TRPM3: variants seen among roughly 807,000 people sequenced by gnomAD.
The protein encoded by TRPM3 is transient receptor potential cation channel subfamily M member 3.
Under a neutral mutation model 181.2 loss-of-function variants are expected in TRPM3, and 77 were observed. That is an observed-to-expected ratio of 0.42 (90% CI 0.35 to 0.51). The LOEUF is 0.51. Among genes scored for constraint, TRPM3 ranks in the 20% least tolerant of loss-of-function variants. TRPM3 has a pLI of 0.01. For missense variants in TRPM3, 1,759 were observed against 2,196.7 expected (o/e 0.80, Z 3.98); for synonymous variants, 745 against 796.4 (o/e 0.94, Z 1.09).
chr9:71,282,913 C>T (rs773955347), intron 1 of TRPM3, among the ~76,000 whole-genome samples: 1 of 152,072 alleles, frequency 6.6e-6, no homozygotes, highest in Non-Finnish European at 1.5e-5. Context: ...CTCGGGGCAC[C>T]GCTGGACGAC....
intron 1 of TRPM3, among the ~76,000 whole-genome samples, chr9:70,910,948 T>C (rs771207859): frequency 2.0e-5 from 3 of 152,324 alleles, no homozygotes; most frequent in Non-Finnish European, 4.4e-5. Context: ...ATACCTTGAC[T>C]TCTATGACAG....
At chr9:71,086,547 G>A (rs1381191002) in intron 1 of TRPM3, among the ~76,000 whole-genome samples, 1 of 151,938 alleles carries the variant, frequency 6.6e-6, no homozygotes, top group Admixed American at 6.6e-5. Flanking sequence ...AGAGGTCAAA[G>A]TATCAAAGAC....
chr9:70,700,368 T>C (rs2072078127), intron 8 of TRPM3, among the ~76,000 whole-genome samples: 1 of 152,006 alleles, frequency 6.6e-6, no homozygotes. Flanking sequence ...CCTTTTTGAC[T>C]CAAAGGTTGA....
At chr9:71,032,043 TA>T (rs1251010986) in intron 1 of TRPM3, among the ~76,000 whole-genome samples, 20 of 2,270 alleles carry the variant, frequency 8.8e-3, no homozygotes, top group Middle Eastern at 0.5. Flanking sequence ...AATATATATA[TA>T]TATATTATAT....
At chr9:70,955,864 C>T (rs756634881) in intron 1 of TRPM3, among the ~76,000 whole-genome samples, 1 of 152,138 alleles carries the variant, frequency 6.6e-6, no homozygotes, top group African/African-American at 2.4e-5. Flanking sequence ...GTGGTAACCA[C>T]GAGCTCACTG....
chr9:70,604,120 A>G (rs1472216830), intron 19 of TRPM3, among the ~76,000 whole-genome samples: 1 of 152,228 alleles, frequency 6.6e-6, no homozygotes, highest in Non-Finnish European at 1.5e-5. Context: ...TACAGAAAGG[A>G]AAGGGTCCGT....
chr9:70,864,819 GA>G (rs1274114590), intron 1 of TRPM3, among the ~76,000 whole-genome samples: 1 of 152,036 alleles, frequency 6.6e-6, no homozygotes. Context: ...TATTTGCAGA[GA>G]AAATAAATTT....
chr9:71,158,686 T>G (rs1275394882), intron 1 of TRPM3, among the ~76,000 whole-genome samples: 1 of 152,130 alleles, frequency 6.6e-6, no homozygotes, highest in African/African-American at 2.4e-5. Flanking sequence ...TGTGTCAACT[T>G]GACTAAGCCA....
intron 8 of TRPM3, among the ~76,000 whole-genome samples, chr9:70,752,657 C>G (rs1044935327): frequency 6.6e-6 from 1 of 152,084 alleles, no homozygotes; most frequent in Non-Finnish European, 1.5e-5. Context: ...ATCTTTTTAT[C>G]TTTAGATATG....
At chr9:70,817,790 T>C (rs1290849557) in intron 6 of TRPM3, among the ~76,000 whole-genome samples, 1 of 152,080 alleles carries the variant, frequency 6.6e-6, no homozygotes, top group Non-Finnish European at 1.5e-5. Flanking sequence ...TTAGTATAAA[T>C]GCAAATAAAT....
intron 1 of TRPM3, among the ~76,000 whole-genome samples, chr9:71,163,912 T>C (rs1007946759): frequency 6.6e-6 from 1 of 152,170 alleles, no homozygotes; most frequent in African/African-American, 2.4e-5. Context: ...ACTATAAAGA[T>C]AGAAGTGTAG....
chr9:70,571,559 G>A (rs531775873), intron 22 of TRPM3, among the ~76,000 whole-genome samples: 69 of 152,174 alleles, frequency 4.5e-4, no homozygotes, highest in Non-Finnish European at 7.4e-4. Context: ...TGCACTTTTT[G>A]AGAGTAGACC....
chr9:70,645,064 C>T (rs2058630046), intron 9 of TRPM3, among the ~76,000 whole-genome samples: 1 of 152,146 alleles, frequency 6.6e-6, no homozygotes, highest in South Asian at 2.1e-4. Context: ...AGAGAGGACA[C>T]AGACAAATGG....
chr9:70,641,994 A>C (rs2133602689), intron 9 of TRPM3, among the ~76,000 whole-genome samples: 1 of 152,316 alleles, frequency 6.6e-6, no homozygotes, highest in East Asian at 1.9e-4. Context: ...ATTTCTGTTT[A>C]AACAGGTTTT....
At chr9:71,251,850 C>A (rs1465544592) in intron 1 of TRPM3, among the ~76,000 whole-genome samples, 1 of 152,044 alleles carries the variant, frequency 6.6e-6, no homozygotes, top group Non-Finnish European at 1.5e-5. Context: ...CCTGCCCCCA[C>A]CCTCCCACCA....
At chr9:71,136,606 A>G (rs1442822571) in intron 1 of TRPM3, among the ~76,000 whole-genome samples, 1 of 152,172 alleles carries the variant, frequency 6.6e-6, no homozygotes, top group East Asian at 1.9e-4. Context: ...TCATATGCTT[A>G]CTACAGAACA....
chr9:71,295,158 T>C (rs967196515), intron 1 of TRPM3, among the ~76,000 whole-genome samples: 1 of 152,172 alleles, frequency 6.6e-6, no homozygotes, highest in Non-Finnish European at 1.5e-5. Flanking sequence ...AATGCATAAC[T>C]GTATGAGCAA....
intron 1 of TRPM3, among the ~76,000 whole-genome samples, chr9:71,112,325 T>C (rs1314683345): frequency 6.6e-6 from 1 of 152,238 alleles, no homozygotes; most frequent in Admixed American, 6.5e-5. Flanking sequence ...TCACTTTCTC[T>C]TTCAGTGTAT....
At chr9:70,824,727 T>A (rs529475402) in intron 6 of TRPM3, 1 of 152,312 alleles carries the variant, frequency 6.6e-6, no homozygotes, top group Non-Finnish European at 1.5e-5. Context: ...TGCCCGGCCA[T>A]AAAATTTTAT....
Sources: allele counts gnomAD v4.1 joint callset (sites outside exome capture counted in the v4.1 genomes callset), GRCh38; gene constraint gnomAD v4.1.1; transcripts MANE v1.5; gene names NCBI Gene and HGNC (gene_info 2026-07-23, HGNC 2026-07-21).